The following DCLK1 variants were observed in gnomAD, a reference collection of about 807,000 sequenced individuals.
DCLK1 encodes the protein serine/threonine-protein kinase DCLK1.
A neutral mutation model predicts 86.2 loss-of-function variants in DCLK1; 16 were observed. The ratio of observed to expected loss-of-function variants is 0.19; its 90% CI spans 0.13 to 0.28. DCLK1 has a LOEUF of 0.28. DCLK1 is among the 10% of genes least tolerant of loss of function. The pLI is 1.00. For synonymous variants in DCLK1, 369 were observed against 370.5 expected, an observed-to-expected ratio of 1.00 and a Z score of 0.05; for missense variants, 590 against 940.2, an observed-to-expected ratio of 0.63 and a Z score of 4.87.
At chr13:35,877,037 C>T (rs367830241) in intron 4 of DCLK1, among the ~76,000 whole-genome samples, 14 of 152,324 alleles carry the variant, frequency 9.2e-5, no homozygotes, top group African/African-American at 3.1e-4. Context: ...CCACAGCAGG[C>T]AAGCAAGTAA....
chr13:36,049,858 A>T, intron 3 of DCLK1, among the ~76,000 whole-genome samples: 1 of 152,206 alleles, frequency 6.6e-6, no homozygotes, highest in East Asian at 1.9e-4. Flanking sequence ...ATATTATGTT[A>T]AAATCATTCA....
In DCLK1 at chr13:35,982,439, G is replaced by A. The variant is rs1255748622; in HGVS notation, c.724-34982C>T. On this transcript the variant is annotated intron_variant, in intron 3 of 16. Transcript: ENST00000360631. Reference sequence around the variant, plus strand: ...GAGAGAGAGAGAGAGAGAGGGGGAGGGAGGGAGGGAGGGAGGGAGGGAGGG... The same window carrying A: ...GAGAGAGAGAGAGAGAGAGGGGGAGAGAGGGAGGGAGGGAGGGAGGGAGGG... Among the ~76,000 whole-genome samples the A allele has an allele frequency of 8.2e-3, 313 of 38,018 alleles. 14 individuals are homozygous for A. The highest frequency in any genetic ancestry group is 0.022 in the African/African-American group (211 of 9,624). The allele number at this position is 38,018 out of a possible 152,430, so 24.9% of individuals were successfully genotyped here. A position where few individuals can be genotyped will look rare whatever the true frequency, so the allele number is the denominator to read the frequency against.
intron 6 of DCLK1, among the ~76,000 whole-genome samples, chr13:35,854,216 T>C (rs1244375862): frequency 1.3e-5 from 2 of 152,142 alleles, no homozygotes; most frequent in East Asian, 1.9e-4. Flanking sequence ...GCTTACAAAC[T>C]AGTGCTAATA....
intron 3 of DCLK1, among the ~76,000 whole-genome samples, chr13:36,014,915 C>T (rs1593819210): frequency 6.6e-6 from 1 of 152,112 alleles, no homozygotes; most frequent in Non-Finnish European, 1.5e-5. Flanking sequence ...GGCTTCTTCT[C>T]ATCCTTCAGA....
At chr13:36,020,161 T>C (rs1448065958) in intron 3 of DCLK1, among the ~76,000 whole-genome samples, 38 of 152,316 alleles carry the variant, frequency 2.5e-4, no homozygotes, top group Non-Finnish European at 2.9e-5. Context: ...GCTGGTGCCA[T>C]GCTTCTTGTA....
At chr13:35,991,788 C>G (rs1210845265) in intron 3 of DCLK1, among the ~76,000 whole-genome samples, 3 of 152,134 alleles carry the variant, frequency 2.0e-5, no homozygotes, top group Admixed American at 6.5e-5. Flanking sequence ...TCTCTTCCCC[C>G]CATTAGCAAA....
intron 4 of DCLK1, among the ~76,000 whole-genome samples, chr13:35,923,694 G>T (rs1875939102): frequency 6.6e-6 from 1 of 152,022 alleles, no homozygotes; most frequent in African/African-American, 2.4e-5. Flanking sequence ...ATATTTCCCT[G>T]CTATCTATTT....
At chr13:35,830,127 T>C (rs1868831742) in intron 8 of DCLK1, among the ~76,000 whole-genome samples, 1 of 152,166 alleles carries the variant, frequency 6.6e-6, no homozygotes, top group South Asian at 2.1e-4. Flanking sequence ...GGCTCATGCC[T>C]ATAATCCCAG....
At chr13:35,791,103 A>T (rs189309971) in intron 16 of DCLK1, among the ~76,000 whole-genome samples, 1 of 152,256 alleles carries the variant, frequency 6.6e-6, no homozygotes, top group African/African-American at 2.4e-5. Flanking sequence ...ATGGTAGACC[A>T]GTTTCTCTTA....
At chr13:35,785,720 A>G (rs1283416891) in intron 16 of DCLK1, among the ~76,000 whole-genome samples, 1 of 152,184 alleles carries the variant, frequency 6.6e-6, no homozygotes, top group African/African-American at 2.4e-5. Flanking sequence ...TTACAGCAGT[A>G]AAAACAGCCA....
intron 4 of DCLK1, among the ~76,000 whole-genome samples, chr13:35,894,393 C>T (rs1873825267): frequency 6.6e-6 from 1 of 152,166 alleles, no homozygotes; most frequent in South Asian, 2.1e-4. Flanking sequence ...AGAGCCCAAG[C>T]GTGTATTCCC....
intron 2 of DCLK1, among the ~76,000 whole-genome samples, chr13:36,116,369 T>C (rs1885787813): frequency 6.8e-6 from 1 of 146,280 alleles, no homozygotes; most frequent in Non-Finnish European, 1.5e-5. Flanking sequence ...TTCGCTTCCA[T>C]TATGAAATTA....
intron 3 of DCLK1, among the ~76,000 whole-genome samples, chr13:36,097,355 C>G (rs1885053311): frequency 6.6e-6 from 1 of 152,054 alleles, no homozygotes; most frequent in Non-Finnish European, 1.5e-5. Flanking sequence ...AAAATGGGTG[C>G]TTTTTGTAGT....
chr13:35,857,629 A>T (rs1237701135), intron 5 of DCLK1, among the ~76,000 whole-genome samples: 1 of 152,242 alleles, frequency 6.6e-6, no homozygotes, highest in Admixed American at 6.5e-5. Flanking sequence ...AAATTCTTTT[A>T]AACTAAGAAG....
chr13:35,886,835 A>G (rs955448517), intron 4 of DCLK1, among the ~76,000 whole-genome samples: 1 of 152,214 alleles, frequency 6.6e-6, no homozygotes, highest in African/African-American at 2.4e-5. Flanking sequence ...TAAAGATTAA[A>G]TAGGATAAAA....
At chr13:36,076,783 A>G (rs540131777) in intron 3 of DCLK1, among the ~76,000 whole-genome samples, 1 of 152,300 alleles carries the variant, frequency 6.6e-6, no homozygotes, top group African/African-American at 2.4e-5. Context: ...TGCCCTCTGA[A>G]GCAATGTAGA....
At chr13:36,023,372 T>C (rs1189426514) in intron 3 of DCLK1, among the ~76,000 whole-genome samples, 1 of 152,098 alleles carries the variant, frequency 6.6e-6, no homozygotes, top group Non-Finnish European at 1.5e-5. Flanking sequence ...ATGGTGCAGT[T>C]CCAGTCCAAA....
intron 12 of DCLK1, among the ~76,000 whole-genome samples, chr13:35,810,563 T>C (rs2087121384): frequency 6.6e-6 from 1 of 152,196 alleles, no homozygotes; most frequent in African/African-American, 2.4e-5. Flanking sequence ...AGTCTGAACA[T>C]TTTTTACTCT....
chr13:35,806,055 C>A (rs1168728987), intron 14 of DCLK1, among the ~76,000 whole-genome samples: 1 of 152,000 alleles, frequency 6.6e-6, no homozygotes, highest in Non-Finnish European at 1.5e-5. Context: ...AGAAATTATA[C>A]AAGTTAAGGA....
Sources: gnomAD v4.1 joint callset for allele counts (sites outside exome capture counted in the v4.1 genomes callset) on GRCh38, gnomAD v4.1.1 for gene constraint, MANE v1.5 for transcripts, NCBI Gene and HGNC (gene_info 2026-07-23, HGNC 2026-07-21) for gene names.